The following TBL1XR1 variants were observed in gnomAD, a reference collection of about 807,000 sequenced individuals.
The protein encoded by TBL1XR1 is TBL1X/Y related 1.
Under a neutral mutation model 66.9 loss-of-function variants are expected in TBL1XR1, and 5 were observed. The ratio of observed to expected loss-of-function variants is 0.07; its 90% CI spans 0.04 to 0.16. The LOEUF (loss-of-function observed/expected upper bound fraction) is 0.16. Ranked by LOEUF, TBL1XR1 falls within the 10% of genes least tolerant of loss-of-function variation. TBL1XR1 has a pLI of 1.00. For synonymous variants in TBL1XR1, 210 were observed against 206.0 expected, an observed-to-expected ratio of 1.02 and a Z score of -0.17; for missense variants, 238 against 623.2, an observed-to-expected ratio of 0.38 and a Z score of 6.58.
chr3:177,195,960 T>C (rs574863956), intron 1 of TBL1XR1, among the ~76,000 whole-genome samples: 36 of 152,234 alleles, frequency 2.4e-4, no homozygotes, highest in African/African-American at 8.4e-4. Flanking sequence ...TTTTAACTAG[T>C]TTCCAACATT....
At chr3:177,113,160 T>C (rs565228144) in intron 1 of TBL1XR1, among the ~76,000 whole-genome samples, 19 of 152,160 alleles carry the variant, frequency 1.2e-4, no homozygotes, top group Admixed American at 9.2e-4. Context: ...GAATGAATAT[T>C]CACATGTAGA....
At chr3:177,087,574 T>C (rs1577124251) in intron 2 of TBL1XR1, among the ~76,000 whole-genome samples, 1 of 152,160 alleles carries the variant, frequency 6.6e-6, no homozygotes, top group African/African-American at 2.4e-5. Context: ...TAACTAAAAT[T>C]AACTGGCTTA....
intron 1 of TBL1XR1, among the ~76,000 whole-genome samples, chr3:177,100,937 C>A (rs531830631): frequency 6.6e-6 from 1 of 151,816 alleles, no homozygotes; most frequent in South Asian, 2.1e-4. Context: ...CTCACCACAA[C>A]CTCCACCTCC....
At chr3:177,179,430 C>T (rs780761837) in intron 1 of TBL1XR1, among the ~76,000 whole-genome samples, 5 of 152,186 alleles carry the variant, frequency 3.3e-5, no homozygotes, top group African/African-American at 4.8e-5. Flanking sequence ...TACAGACACA[C>T]GCTGGAGCAC....
chr3:177,185,823 G>C (rs1480167224), intron 1 of TBL1XR1, among the ~76,000 whole-genome samples: 2 of 152,036 alleles, frequency 1.3e-5, no homozygotes, highest in African/African-American at 4.8e-5. Context: ...GAGCAACATA[G>C]TGAGATCCTC....
chr3:177,050,249 A>G, intron 6 of TBL1XR1, 111 bp from the exon 7 acceptor site: 1 of 1,392,928 alleles, frequency 7.2e-7, no homozygotes, highest in Non-Finnish European at 9.7e-7. Context: ...GACTATCACG[A>G]ATTTTCATTT....
chr3:177,077,575 C>T (rs948118931), intron 2 of TBL1XR1, among the ~76,000 whole-genome samples: 2 of 152,172 alleles, frequency 1.3e-5, no homozygotes, highest in African/African-American at 4.8e-5. Flanking sequence ...TAAGAGTCTC[C>T]TAAGTTCTCC....
At chr3:177,140,300 AAAAAAAG>A (rs962395084) in intron 1 of TBL1XR1, among the ~76,000 whole-genome samples, 12 of 152,300 alleles carry the variant, frequency 7.9e-5, no homozygotes, top group African/African-American at 2.9e-4. Flanking sequence ...ACTCCAACTC[AAAAAAAG>A]AAAAAAGTAC....
intron 1 of TBL1XR1, among the ~76,000 whole-genome samples, chr3:177,130,822 A>G (rs1030543221): frequency 2.0e-5 from 3 of 152,194 alleles, no homozygotes; most frequent in Non-Finnish European, 2.9e-5. Flanking sequence ...ATGTTTTGAA[A>G]GAAAAGGCCA....
Position 177,050,576 on chromosome 3 carries a change from A to T in TBL1XR1, c.462T>A (p.Asp154Glu). Residue 154 changes from aspartate to glutamate, a missense_variant, in exon 6 of 16, where the codon GAT (aspartate) becomes GAA (glutamate). Transcript: ENST00000457928. ...CAGCTTTATTAGGAGGGATTTCAAC[A>T]TCCCCATCCACTTCCATCATATCAG... ...NHTDMMEVDG[D>E]VEIPPNKAVV... is the part of the protein sequence containing the mutation. 6.2e-7 allele frequency: 1 copy of T among 1,613,824 alleles called. No individual in the cohort carries two copies. The highest frequency in any genetic ancestry group is 8.5e-7 in the Non-Finnish European group (1 of 1,179,798).
At chr3:177,120,135 T>C (rs1234437534) in intron 1 of TBL1XR1, among the ~76,000 whole-genome samples, 1 of 152,114 alleles carries the variant, frequency 6.6e-6, no homozygotes, top group East Asian at 1.9e-4. Context: ...TCTCATTACT[T>C]TCCAACATGC....
At chr3:177,169,246 T>C (rs189855860) in intron 1 of TBL1XR1, among the ~76,000 whole-genome samples, 3 of 152,224 alleles carry the variant, frequency 2.0e-5, no homozygotes, top group Non-Finnish European at 4.4e-5. Context: ...AAATCTAGAA[T>C]TTATACCTTT....
In TBL1XR1 at chr3:177,085,071, C is replaced by T. The variant is rs1560157141; in HGVS notation, c.-46+13395G>A. ...GTTTCTTTCAATCAAAAAATCGAAA[C>T]TAAATCAGAAAAAACGAGGCCTCCA... On this transcript the variant is annotated intron_variant, in intron 2 of 15. Coordinates refer to ENST00000457928, the MANE Select transcript of TBL1XR1 (RefSeq NM_024665.7). Among the ~76,000 whole-genome samples, 3 of 152,244 alleles carry T rather than the reference C, an allele frequency of 2.0e-5. No homozygotes were observed. In the South Asian group the frequency reaches 6.2e-4, roughly 32 times the overall value.
At chr3:177,171,551 A>C (rs1416613274) in intron 1 of TBL1XR1, 3 of 151,096 alleles carry the variant, frequency 2.0e-5, no homozygotes, top group Admixed American at 6.6e-5. Context: ...AAAAAAAATT[A>C]ACCAGGTGTG....
At chr3:177,138,248 TGATTGGTGGCA>T (rs2108810386) in intron 1 of TBL1XR1, among the ~76,000 whole-genome samples, 1 of 152,296 alleles carries the variant, frequency 6.6e-6, no homozygotes, top group South Asian at 2.1e-4. Context: ...ACAGAGATGC[TGATTGGTGGCA>T]GCTTAAAGGT....
At chr3:177,096,015 C>A (rs1450051863) in intron 2 of TBL1XR1, among the ~76,000 whole-genome samples, 1 of 151,984 alleles carries the variant, frequency 6.6e-6, no homozygotes, top group African/African-American at 2.4e-5. Context: ...ATATACCAAC[C>A]TTTTAAATTT....
chr3:177,151,987 G>C (rs9835750), intron 1 of TBL1XR1, among the ~76,000 whole-genome samples: 52,822 of 152,028 alleles, frequency 0.35, 9,798 homozygotes, highest in South Asian at 0.5. Flanking sequence ...TAGCGCCATC[G>C]CACTCCAGCC....
chr3:177,092,211 G>C (rs1314081010), intron 2 of TBL1XR1, among the ~76,000 whole-genome samples: 1 of 152,134 alleles, frequency 6.6e-6, no homozygotes, highest in Non-Finnish European at 1.5e-5. Context: ...TTTCAGATTA[G>C]AGGTATTCCA....
chr3:177,067,432 C>A (rs1438646600), intron 2 of TBL1XR1, among the ~76,000 whole-genome samples: 1 of 152,154 alleles, frequency 6.6e-6, no homozygotes, highest in African/African-American at 2.4e-5. Flanking sequence ...AATGCTCATT[C>A]TGATTAGCAA....
Sources: allele counts gnomAD v4.1 joint callset (sites outside exome capture counted in the v4.1 genomes callset), GRCh38; gene constraint gnomAD v4.1.1; transcripts MANE v1.5; gene names NCBI Gene and HGNC (gene_info 2026-07-23, HGNC 2026-07-21).